The following IMMP2L variants were observed in gnomAD, a reference collection of about 807,000 sequenced individuals.
IMMP2L encodes mitochondrial inner membrane protease subunit 2.
IMMP2L carries 18 observed loss-of-function variants against 19.3 expected under a neutral mutation model. The ratio of observed to expected loss-of-function variants is 0.93; its 90% CI spans 0.64 to 1.38. IMMP2L has a LOEUF of 1.38. Among genes scored for constraint, IMMP2L ranks in the 40% most tolerant of loss-of-function variants. The probability of loss-of-function intolerance (pLI) is 0.00; values close to 1 mark genes in which losing one functional copy is unlikely to be tolerated. For missense variants in IMMP2L, 233 were observed against 218.2 expected (o/e 1.07, Z -0.43); for synonymous variants, 76 against 73.0 (o/e 1.04, Z -0.21).
At chr7:111,423,826 CA>C (rs1182092182) in intron 3 of IMMP2L, among the ~76,000 whole-genome samples, 1 of 151,708 alleles carries the variant, frequency 6.6e-6, no homozygotes, top group Non-Finnish European at 1.5e-5. Flanking sequence ...AAGTGAAAGA[CA>C]CAAAAAATCC....
rs558083943 is a variant in IMMP2L, at chr7:111,128,547, C to T, written c.240-164982G>A. 2.6e-5 allele frequency among the ~76,000 whole-genome samples: 4 copies of T among 152,282 alleles called. No individual in the cohort carries two copies. In the South Asian group the frequency reaches 8.3e-4, roughly 32 times the overall value. ...GGCTAAATTAAGAGGCATATTTAGG[C>T]TGAGTGTGATGGCTCAAGCCGGTAA... On this transcript the variant is annotated intron_variant, in intron 3 of 5. Coordinates refer to ENST00000405709, the MANE Select transcript of IMMP2L (RefSeq NM_032549.4).
chr7:111,544,618 A>T (rs912087482), intron 1 of IMMP2L, among the ~76,000 whole-genome samples: 8 of 152,122 alleles, frequency 5.3e-5, no homozygotes, highest in African/African-American at 1.9e-4. Context: ...TGCTTTTTGT[A>T]TTCTAGACAT....
At chr7:110,989,372 AC>A (rs1250015903) in intron 3 of IMMP2L, among the ~76,000 whole-genome samples, 1 of 151,916 alleles carries the variant, frequency 6.6e-6, no homozygotes, top group Non-Finnish European at 1.5e-5. Flanking sequence ...TCCCACTTCT[AC>A]AAAAAAATTT....
chr7:110,848,370 G>A (rs922051860), intron 5 of IMMP2L, among the ~76,000 whole-genome samples: 3 of 152,024 alleles, frequency 2.0e-5, no homozygotes, highest in African/African-American at 7.2e-5. Context: ...ACCACCACAC[G>A]CCTATCAGGA....
At chr7:111,129,015 T>TTA (rs1295206387) in intron 3 of IMMP2L, among the ~76,000 whole-genome samples, 1 of 152,158 alleles carries the variant, frequency 6.6e-6, no homozygotes, top group Non-Finnish European at 1.5e-5. Context: ...ACATTAACCC[T>TTA]TACAAGATGT....
chr7:111,495,116 T>C (rs1843471726), intron 2 of IMMP2L, among the ~76,000 whole-genome samples: 1 of 152,168 alleles, frequency 6.6e-6, no homozygotes, highest in African/African-American at 2.4e-5. Context: ...TTTACATTCT[T>C]ATTTTTAAAA....
chr7:110,814,675 C>T (rs1802330010), intron 5 of IMMP2L, among the ~76,000 whole-genome samples: 2 of 146,626 alleles, frequency 1.4e-5, no homozygotes, highest in Non-Finnish European at 3.0e-5. Context: ...AATTCTTTTT[C>T]AACAAAAACA....
At chr7:111,322,787 T>C (rs569914611) in intron 3 of IMMP2L, among the ~76,000 whole-genome samples, 1 of 151,968 alleles carries the variant, frequency 6.6e-6, no homozygotes, top group Admixed American at 6.6e-5. Context: ...TTATGGGTCA[T>C]GGTAAAAGCA....
intron 5 of IMMP2L, among the ~76,000 whole-genome samples, chr7:110,684,535 T>A (rs1178869994): frequency 2.6e-5 from 4 of 152,016 alleles, no homozygotes; most frequent in Non-Finnish European, 4.4e-5. Flanking sequence ...CATTGTGTGA[T>A]AAATTTTGAT....
At chr7:111,029,282 T>A (rs532650227) in intron 3 of IMMP2L, among the ~76,000 whole-genome samples, 1 of 152,110 alleles carries the variant, frequency 6.6e-6, no homozygotes, top group Non-Finnish European at 1.5e-5. Flanking sequence ...CAGGGAAGGA[T>A]CTGGTTTCAG....
In IMMP2L at chr7:111,410,302, C is replaced by A. The variant is rs1005649548; in HGVS notation, c.239+76936G>T. Among the ~76,000 whole-genome samples, 3 of 151,616 alleles carry A rather than the reference C, an allele frequency of 2.0e-5. No homozygotes were observed. In the East Asian group the frequency reaches 5.8e-4, roughly 29 times the overall value. ...ATTACCCTAGATCATCCTTGAAAAG[C>A]ACAAAAATAGCCTTGAAATGAGCAG... On this transcript the variant is annotated intron_variant, in intron 3 of 5. Coordinates refer to ENST00000405709, the MANE Select transcript of IMMP2L (RefSeq NM_032549.4).
At chr7:110,793,367 C>T (rs1159650013) in intron 5 of IMMP2L, among the ~76,000 whole-genome samples, 6 of 151,908 alleles carry the variant, frequency 3.9e-5, no homozygotes, top group African/African-American at 1.2e-4. Flanking sequence ...TTACAGTGAG[C>T]CGAGTCCACA....
At chr7:111,060,685 T>A (rs1445604321) in intron 3 of IMMP2L, among the ~76,000 whole-genome samples, 1 of 152,202 alleles carries the variant, frequency 6.6e-6, no homozygotes, top group African/African-American at 2.4e-5. Flanking sequence ...AAGATCTAAA[T>A]GCATTAATTC....
chr7:111,499,457 A>G (rs1019178768), intron 2 of IMMP2L, among the ~76,000 whole-genome samples: 7 of 152,312 alleles, frequency 4.6e-5, no homozygotes, highest in Non-Finnish European at 1.0e-4. Flanking sequence ...CCGTTAATTC[A>G]TGATATGCAT....
intron 3 of IMMP2L, among the ~76,000 whole-genome samples, chr7:111,272,453 C>T (rs533664750): frequency 6.6e-6 from 1 of 152,244 alleles, no homozygotes; most frequent in South Asian, 2.1e-4. Flanking sequence ...TATGATTAAA[C>T]ACACTGAAAA....
chr7:111,410,898 G>A (rs1304792430), intron 3 of IMMP2L, among the ~76,000 whole-genome samples: 1 of 151,482 alleles, frequency 6.6e-6, no homozygotes, highest in Non-Finnish European at 1.5e-5. Flanking sequence ...GGTAACATGT[G>A]AGGGCAACAA....
intron 3 of IMMP2L, among the ~76,000 whole-genome samples, chr7:111,363,992 T>C (rs973872010): frequency 2.6e-5 from 4 of 151,858 alleles, no homozygotes; most frequent in African/African-American, 9.7e-5. Context: ...AAAACTTTCA[T>C]GTAAGATCCC....
chr7:110,819,439 C>G (rs1458484884), intron 5 of IMMP2L, among the ~76,000 whole-genome samples: 1 of 151,986 alleles, frequency 6.6e-6, no homozygotes, highest in Non-Finnish European at 1.5e-5. Flanking sequence ...ATTTTGAAAA[C>G]TGTGAAGAAC....
chr7:111,557,950 T>G (rs1791566929), intron 1 of IMMP2L, among the ~76,000 whole-genome samples: 2 of 152,070 alleles, frequency 1.3e-5, no homozygotes, highest in Admixed American at 6.6e-5. Flanking sequence ...ACAGACATCT[T>G]TAGTACAGAC....
Sources: gnomAD v4.1 joint callset for allele counts (sites outside exome capture counted in the v4.1 genomes callset) on GRCh38, gnomAD v4.1.1 for gene constraint, MANE v1.5 for transcripts, NCBI Gene and HGNC (gene_info 2026-07-23, HGNC 2026-07-21) for gene names.